The following GTPBP4 variants were observed in gnomAD, a reference collection of about 807,000 sequenced individuals.
GTPBP4 encodes the protein GTP-binding protein 4.
Under a neutral mutation model 81.7 loss-of-function variants are expected in GTPBP4, and 15 were observed. The ratio of observed to expected loss-of-function variants is 0.18; its 90% CI spans 0.12 to 0.28. The LOEUF (loss-of-function observed/expected upper bound fraction) is 0.28. GTPBP4 is among the 10% of genes least tolerant of loss of function. GTPBP4 has a pLI of 1.00. For synonymous variants in GTPBP4, 272 were observed against 274.6 expected (o/e 0.99, Z 0.09); for missense variants, 847 against 793.8 (o/e 1.07, Z -0.81).
chr10:1,015,825 C>T lies in GTPBP4; in HGVS notation c.1681C>T (p.Pro561Ser). 6.2e-7 allele frequency: 1 copy of T among 1,614,010 alleles called. No homozygotes were observed. Among genetic ancestry groups the T allele is most frequent in the Non-Finnish European group, 8.5e-7 (1 of 1,179,840 alleles). ...RKRKREDSAP[P>S]SSVARSGSCS... Reference sequence around the variant, plus strand: ...AAGAAAGCGGGAAGACTCTGCTCCCCCGTCCTCTGTGGCCCGGAGTGGGAG... The same window carrying T: ...AAGAAAGCGGGAAGACTCTGCTCCCTCGTCCTCTGTGGCCCGGAGTGGGAG... The change falls in exon 16 of 17, where the codon CCG (proline) becomes TCG (serine). Residue 561 changes from proline to serine, a missense_variant. By Grantham distance (74) the Pro-to-Ser change is moderately conservative. This residue lies in a region of GTPBP4 where 600 missense variants were observed against 557.1 expected (regional missense o/e 1.08). Coordinates refer to ENST00000360803, the MANE Select transcript of GTPBP4 (RefSeq NM_012341.3).
At chr10:989,187 T>C (rs1831398620) in intron 1 of GTPBP4, among the ~76,000 whole-genome samples, 1 of 146,880 alleles carries the variant, frequency 6.8e-6, no homozygotes, top group Non-Finnish European at 1.5e-5. Flanking sequence ...CAGTCTCGGC[T>C]CACTGCAACC....
intron 10 of GTPBP4, 175 bp downstream of exon 10, chr10:1,007,303 G>A (rs943960084): frequency 3.6e-6 from 2 of 556,764 alleles, no homozygotes; most frequent in Non-Finnish European, 6.5e-6. Flanking sequence ...AGAAAGTGCA[G>A]AACGCCACAT....
chr10:1,011,614 C>A (rs4880754), intron 13 of GTPBP4, among the ~76,000 whole-genome samples: 11,919 of 152,184 alleles, frequency 0.078, 619 homozygotes, highest in South Asian at 0.11. Context: ...TCCCACAGGC[C>A]CTCCGTCATT....
intron 10 of GTPBP4, chr10:1,008,038 A>C (rs185321908): frequency 2.1e-6 from 1 of 479,218 alleles, no homozygotes; most frequent in Non-Finnish European, 4.2e-6. Context: ...AACTATTAAC[A>C]TATATTAATT....
At chr10:1,008,039 T>C (rs768230174) in intron 10 of GTPBP4, 6 of 476,408 alleles carry the variant, frequency 1.3e-5, no homozygotes, top group Middle Eastern at 3.6e-4. Flanking sequence ...ACTATTAACA[T>C]ATATTAATTT....
intron 10 of GTPBP4, chr10:1,007,955 G>A (rs1199693007): frequency 3.9e-6 from 2 of 518,202 alleles, no homozygotes; most frequent in South Asian, 2.8e-5. Flanking sequence ...TTGGATTCTT[G>A]TCAGATACAT....
chr10:994,020 A>G (rs1831495763), intron 2 of GTPBP4, among the ~76,000 whole-genome samples: 1 of 152,038 alleles, frequency 6.6e-6, no homozygotes, highest in Non-Finnish European at 1.5e-5. Context: ...TGGCCTCCCA[A>G]AGTGCTGGGA....
chr10:1,015,937 C>T, intron 16 of GTPBP4, 41 bp downstream of exon 16: 1 of 1,551,100 alleles, frequency 6.4e-7, no homozygotes. Flanking sequence ...ATGACAGTCT[C>T]TGTTGTTTAT....
chr10:999,705 T>A (rs937078372), intron 6 of GTPBP4, among the ~76,000 whole-genome samples: 1 of 152,230 alleles, frequency 6.6e-6, no homozygotes, highest in African/African-American at 2.4e-5. Context: ...ACGCCTGTAA[T>A]CCCAACACTT....
At chr10:1,005,931 A>G (rs553152361) in intron 9 of GTPBP4, 24 bp downstream of exon 9, 7 of 1,195,752 alleles carry the variant, frequency 5.9e-6, no homozygotes, top group Non-Finnish European at 8.4e-6. Flanking sequence ...TAAGTCAGGT[A>G]TTAGTCTTTT....
intron 8 of GTPBP4, among the ~76,000 whole-genome samples, chr10:1,002,342 CCTT>C (rs1564467936): frequency 6.6e-6 from 1 of 152,138 alleles, no homozygotes; most frequent in African/African-American, 2.4e-5. Context: ...TATATAATGA[CCTT>C]CTTGTCTCTT....
chr10:998,705 G>T (rs1247942431), intron 5 of GTPBP4, among the ~76,000 whole-genome samples: 1 of 152,242 alleles, frequency 6.6e-6, no homozygotes. Flanking sequence ...AGTGCAGACA[G>T]AACATGCCTG....
At chr10:1,006,684 T>TA (rs1564469137) in intron 9 of GTPBP4, among the ~76,000 whole-genome samples, 1 of 151,616 alleles carries the variant, frequency 6.6e-6, no homozygotes, top group Admixed American at 6.6e-5. Flanking sequence ...ACTCAGGATT[T>TA]AAAAAGATGG....
chr10:1,006,003 G>C, intron 9 of GTPBP4, 96 bp downstream of exon 9: 1 of 714,186 alleles, frequency 1.4e-6, no homozygotes, highest in Non-Finnish European at 2.4e-6. Flanking sequence ...TCTAGACATT[G>C]TTAACACTTG....
chr10:1,009,118 A>G lies in GTPBP4; in HGVS notation c.1191+83A>G, dbSNP rs544040559. On this transcript the variant is annotated intron_variant, in intron 11 of 16. Coordinates refer to ENST00000360803, the MANE Select transcript of GTPBP4 (RefSeq NM_012341.3). ...CCATCGTGGGGGCCTGGGGCATCGAACAGGAGCCGCGGGTGCCCAGACACT... is the reference window on the plus strand; with the variant it reads ...CCATCGTGGGGGCCTGGGGCATCGAGCAGGAGCCGCGGGTGCCCAGACACT... The G allele has an allele frequency of 2.0e-6, 2 of 1,013,272 alleles. 1 individual carries two copies. Among genetic ancestry groups the G allele is most frequent in the East Asian group, 4.8e-5 (2 of 41,436 alleles). The allele number at this position is 1,013,272 out of a possible 1,614,324, so 62.8% of individuals were successfully genotyped here.
chr10:994,075 T>A lies in GTPBP4; in HGVS notation c.219+1416T>A, dbSNP rs532228311. On this transcript the variant is annotated intron_variant, in intron 2 of 16. Coordinates refer to ENST00000360803, the MANE Select transcript of GTPBP4 (RefSeq NM_012341.3). ...CACCTGTCCAATAATGGCTTATTTTTAAAATACAGAAGTGCTTAAAATACA... is the reference window on the plus strand; with the variant it reads ...CACCTGTCCAATAATGGCTTATTTTAAAAATACAGAAGTGCTTAAAATACA... 7.9e-5 allele frequency among the ~76,000 whole-genome samples: 12 copies of A among 152,236 alleles called. No homozygotes were observed. The East Asian group carries it at 2.3e-3, about 29-fold the overall frequency.
At chr10:1,004,154 T>A (rs1026563553) in intron 8 of GTPBP4, among the ~76,000 whole-genome samples, 4 of 152,078 alleles carry the variant, frequency 2.6e-5, no homozygotes, top group Non-Finnish European at 5.9e-5. Context: ...TAGGGAGGGC[T>A]TAGTGTCAGC....
At chr10:1,016,978 T>C in intron 16 of GTPBP4, 97 bp from the exon 17 acceptor site, 3 of 951,754 alleles carry the variant, frequency 3.2e-6, no homozygotes, top group Non-Finnish European at 4.8e-6. Context: ...TGAGCAGACC[T>C]GAGCCATTAA....
chr10:1,016,786 A>G (rs959113740), intron 16 of GTPBP4, among the ~76,000 whole-genome samples: 1 of 152,134 alleles, frequency 6.6e-6, no homozygotes, highest in Non-Finnish European at 1.5e-5. Context: ...AAGAGAAAAG[A>G]GATGTAACAG....
Sources: allele counts gnomAD v4.1 joint callset (sites outside exome capture counted in the v4.1 genomes callset), GRCh38; gene constraint gnomAD v4.1.1; regional missense constraint gnomAD v4.1.1; transcripts MANE v1.5; gene names NCBI Gene and HGNC (gene_info 2026-07-23, HGNC 2026-07-21).